MAP7D1: variants seen among roughly 807,000 people sequenced by gnomAD.
The protein encoded by MAP7D1 is MAP7 domain-containing protein 1.
A neutral mutation model predicts 97.5 loss-of-function variants in MAP7D1; 30 were observed. That is an observed-to-expected ratio of 0.31 (90% CI 0.23 to 0.42). The LOEUF (loss-of-function observed/expected upper bound fraction) is 0.42, where lower values mean the gene tolerates loss of function less well. Ranked by LOEUF, MAP7D1 falls within the 10% of genes least tolerant of loss-of-function variation. The probability of loss-of-function intolerance (pLI) is 1.00; values close to 1 mark genes in which losing one functional copy is unlikely to be tolerated. For missense variants in MAP7D1, 1,184 were observed against 1,179.5 expected, an observed-to-expected ratio of 1.00 and a Z score of -0.06; for synonymous variants, 536 against 477.1, an observed-to-expected ratio of 1.12 and a Z score of -1.61.
In MAP7D1 at chr1:36,174,901, G is replaced by T. The variant is rs781060406; in HGVS notation, c.743G>T (p.Gly248Val). Residue 248 changes from glycine to valine, a missense_variant, in exon 6 of 17, where the codon GGG (glycine) becomes GTG (valine). Transcript: ENST00000474796. ...GCCGTGTCTTTTCCCCCTCCAGGTG[G>T]GAGCAGGTGCTCCGTGTCGGCAGTT... ...HHSSPGHKTS[G>V]SRCSVSAVNL... The T allele has an allele frequency of 6.2e-7, 1 of 1,606,946 alleles. No individual in the cohort carries two copies. The highest frequency in any genetic ancestry group is 1.1e-5 in the South Asian group (1 of 90,880).
rs764083481 is a variant in MAP7D1, at chr1:36,176,196, C to T, written c.851-3C>T. On this transcript the variant is annotated splice_region_variant and splice_polypyrimidine_tract_variant and intron_variant, in intron 6 of 16. Transcript: ENST00000474796. This position sits in a 1 kb window ranked among gnomAD's most constrained non-coding sequence, Gnocchi z 6.1. ...CCGGCTTCGCCTGGCCTTCTACCCC[C>T]AGATCGCAGCCTGCAGCTGAGCGCA... 14 of 1,605,888 alleles carry T rather than the reference C, an allele frequency of 8.7e-6. No individual in the cohort carries two copies. The Admixed American group carries it at 1.0e-4, about 11-fold the overall frequency.
chr1:36,177,856 T>G lies in MAP7D1; in HGVS notation c.1380-17T>G, dbSNP rs755155838. 102 of 1,522,112 alleles carry G rather than the reference T, an allele frequency of 6.7e-5. No homozygotes were observed. Among genetic ancestry groups the G allele is most frequent in the Non-Finnish European group, 8.4e-5 (95 of 1,134,960 alleles). 94.3% of individuals were successfully genotyped at this position (1,522,112 alleles called of 1,614,324 possible). ...TGTGTGTGTCTCCTAACCCTTCCCTTTTCCCTTTTCTCTTAGCCCCAAATC... is the reference window on the plus strand; with the variant it reads ...TGTGTGTGTCTCCTAACCCTTCCCTGTTCCCTTTTCTCTTAGCCCCAAATC... On this transcript the variant is annotated splice_polypyrimidine_tract_variant and intron_variant, in intron 8 of 16. Transcript: ENST00000474796.
At chr1:36,164,752 C>G (rs1225559212) in intron 1 of MAP7D1, among the ~76,000 whole-genome samples, 1 of 152,158 alleles carries the variant, frequency 6.6e-6, no homozygotes, top group South Asian at 2.1e-4. Flanking sequence ...GCAAAGAGCA[C>G]CGTGATCAGA....
rs1183883191 is a variant in MAP7D1, at chr1:36,178,755, C to T, written c.1957C>T (p.Arg653Trp). The T allele has an allele frequency of 1.9e-6, 3 of 1,545,224 alleles. No homozygotes were observed. Among genetic ancestry groups the T allele is most frequent in the South Asian group, 1.2e-5 (1 of 83,698 alleles). ...GGAGCGGGAGGCGGAGGCCCGGAGGCGGGAGGAGCAGGAGGCACGAGAGAA... is the reference window on the plus strand; with the variant it reads ...GGAGCGGGAGGCGGAGGCCCGGAGGTGGGAGGAGCAGGAGGCACGAGAGAA... Reference protein sequence around the residue: ...RAEREAEARRREEQEAREKAQ... With the variant: ...RAEREAEARRWEEQEAREKAQ... Residue 653 changes from arginine to tryptophan, a missense_variant, in exon 11 of 17, where the codon CGG (arginine) becomes TGG (tryptophan). Coordinates refer to ENST00000474796, the MANE Select transcript of MAP7D1 (RefSeq NM_001388490.1).
chr1:36,159,612 C>T lies in MAP7D1; in HGVS notation c.46+3149C>T, dbSNP rs1471995484. On this transcript the variant is annotated intron_variant, in intron 1 of 16. Transcript: ENST00000474796. This position sits in a 1 kb window ranked among gnomAD's most constrained non-coding sequence, Gnocchi z 5.4. ...GCTGATGCCCCACCTTATGCCAGCT[C>T]GGTGTAGTCTATGTGGACGGCAGAG... 3.9e-5 allele frequency among the ~76,000 whole-genome samples: 6 copies of T among 152,154 alleles called. No homozygotes were observed. The highest frequency in any genetic ancestry group is 6.6e-5 in the Admixed American group (1 of 15,266).
intron 1 of MAP7D1, among the ~76,000 whole-genome samples, chr1:36,165,464 CTTT>C (rs538278038): frequency 2.2e-5 from 3 of 136,080 alleles, no homozygotes; most frequent in Admixed American, 7.5e-5. Context: ...TTTTCTTTTT[CTTT>C]TTTTTTTTTT....
At chr1:36,161,678 GAGC>G (rs1644410664) in intron 1 of MAP7D1, among the ~76,000 whole-genome samples, 1 of 152,162 alleles carries the variant, frequency 6.6e-6, no homozygotes, top group Admixed American at 6.5e-5. Context: ...TGCTCAGAAG[GAGC>G]AGAAGTGACC....
Position 36,173,235 on chromosome 1 carries a change from A to T in MAP7D1, c.625-129A>T, listed in dbSNP as rs1020454860. ...GATTTGGTAACCTTGGTTACCTGCA[A>T]TGAGTCAGGAAAAGACTCCAAGGGA... On this transcript the variant is annotated intron_variant, in intron 4 of 16. Transcript: ENST00000474796. 10 of 687,958 alleles carry T rather than the reference A, an allele frequency of 1.5e-5. No homozygotes were observed. In the East Asian group the frequency reaches 2.4e-4, roughly 16 times the overall value. 42.6% of individuals were successfully genotyped at this position (687,958 alleles called of 1,614,324 possible). A position where few individuals can be genotyped will look rare whatever the true frequency, so the allele number is the denominator to read the frequency against.
chr1:36,174,632 G>A (rs112385640), intron 5 of MAP7D1, among the ~76,000 whole-genome samples: 10 of 152,244 alleles, frequency 6.6e-5, no homozygotes, highest in African/African-American at 1.9e-4. Flanking sequence ...TCCTTGGTCT[G>A]GCCAGGAAAG....
In MAP7D1 at chr1:36,177,504, T is replaced by A. The variant is rs147343054; in HGVS notation, c.1380-369T>A. ...ATGCCACTGCACTCCAGCCTGGGGG[T>A]CAGCCAGATTCTGTCTTAAAAACAA... On this transcript the variant is annotated intron_variant, in intron 8 of 16. Transcript: ENST00000474796. 3,032 of 502,538 alleles carry A rather than the reference T, an allele frequency of 6.0e-3. 50 individuals are homozygous for A. The highest frequency in any genetic ancestry group is 0.032 in the Admixed American group (1,358 of 42,860). The allele number at this position is 502,538 out of a possible 1,614,324, so 31.1% of individuals were successfully genotyped here.
chr1:36,172,512 T>C lies in MAP7D1; in HGVS notation c.509T>C (p.Leu170Pro), dbSNP rs746338261. 1 of 1,602,342 alleles carries C rather than the reference T, an allele frequency of 6.2e-7. No homozygotes were observed. Among genetic ancestry groups the C allele is most frequent in the Non-Finnish European group, 8.5e-7 (1 of 1,171,760 alleles). The change falls in exon 4 of 17, where the codon CTG (leucine) becomes CCG (proline). Residue 170 changes from leucine (L) to proline (P), a missense_variant. Leu to Pro is a moderately conservative substitution (Grantham distance 98). Transcript: ENST00000474796. The stretch of plus-strand genomic sequence containing the variant: ...GAGAAGGAGGAGAAGGCCAAGGCGC[T>C]GCGGGAGAAGCAGCTCCAGGAGCGC... ...WLEKEEKAKA[L>P]REKQLQERRR...
At chr1:36,162,388 C>T (rs1031064926) in intron 1 of MAP7D1, among the ~76,000 whole-genome samples, 5 of 152,230 alleles carry the variant, frequency 3.3e-5, no homozygotes, top group Admixed American at 6.5e-5. Context: ...GGGGGAACCA[C>T]GGAATCACTT....
At chr1:36,169,278 G>A (rs969051891) in intron 1 of MAP7D1, among the ~76,000 whole-genome samples, 9 of 149,598 alleles carry the variant, frequency 6.0e-5, no homozygotes, top group South Asian at 2.1e-4. Context: ...GGCCGGGCGC[G>A]GTGGGCAGTG....
intron 12 of MAP7D1, 37 bp from the exon 13 acceptor site, chr1:36,179,225 G>T (rs778794172): frequency 6.2e-7 from 1 of 1,610,194 alleles, no homozygotes; most frequent in Non-Finnish European, 8.5e-7. Flanking sequence ...GATTAGGGGC[G>T]GGGCTCGAGC....
chr1:36,177,098 G>A lies in MAP7D1; in HGVS notation c.1379+256G>A, dbSNP rs375053324. Among the ~76,000 whole-genome samples the A allele has an allele frequency of 8.5e-5, 13 of 152,062 alleles. No homozygotes were observed. The East Asian group carries it at 1.4e-3, about 16-fold the overall frequency. On this transcript the variant is annotated intron_variant, in intron 8 of 16. Coordinates refer to ENST00000474796, the MANE Select transcript of MAP7D1 (RefSeq NM_001388490.1). ...TCCAAGTGGCTGGGGCTACAGGCGC[G>A]CCACCACGCTCGGCTAATTTTTTGT...
In MAP7D1 at chr1:36,179,709, G is replaced by A; in HGVS notation, c.2271G>A (p.Lys757=). The A allele has an allele frequency of 4.0e-6, 6 of 1,518,770 alleles. No homozygotes were observed. The highest frequency in any genetic ancestry group is 5.3e-6 in the Non-Finnish European group (6 of 1,134,220). The allele number at this position is 1,518,770 out of a possible 1,614,324, so 94.1% of individuals were successfully genotyped here. ...AGGCTCGGTCCCCAGGGCTGCAGAA[G>A]GAGGCTGTGCAGAAAGAGGAGCCCA... The part of the protein sequence containing the change: ...AVEARSPGLQ[K]EAVQKEEPIP... The change falls in exon 15 of 17, where the codon AAG becomes AAA. Residue 757 remains lysine, a synonymous_variant. Transcript: ENST00000474796.
intron 3 of MAP7D1, 24 bp downstream of exon 3, chr1:36,171,605 A>G (rs1644544556): frequency 4.3e-6 from 7 of 1,612,862 alleles, no homozygotes; most frequent in Non-Finnish European, 5.9e-6. Flanking sequence ...AAGCCTCATC[A>G]TCTTCTTCAT....
chr1:36,175,287 G>T (rs1411299636), intron 6 of MAP7D1, among the ~76,000 whole-genome samples: 1 of 152,242 alleles, frequency 6.6e-6, no homozygotes, highest in East Asian at 1.9e-4. Flanking sequence ...CAAGTTGGAG[G>T]TGGTGGCTGG....
chr1:36,174,118 G>A (rs1277669436), intron 5 of MAP7D1, among the ~76,000 whole-genome samples: 1 of 152,162 alleles, frequency 6.6e-6, no homozygotes, highest in African/African-American at 2.4e-5. Context: ...ACTTCTCGAA[G>A]TCTCACTTTC....
Sources: allele counts gnomAD v4.1 joint callset (sites outside exome capture counted in the v4.1 genomes callset), GRCh38; gene constraint gnomAD v4.1.1; non-coding constraint Gnocchi (gnomAD v3.1); transcripts MANE v1.5; gene names NCBI Gene and HGNC (gene_info 2026-07-23, HGNC 2026-07-21).